SIK3: variants seen among roughly 807,000 people sequenced by gnomAD.
SIK3 encodes serine/threonine-protein kinase SIK3.
Under a neutral mutation model 144.2 loss-of-function variants are expected in SIK3, and 28 were observed. The observed-to-expected ratio is 0.19, with a 90% CI of 0.14 to 0.27. The LOEUF (loss-of-function observed/expected upper bound fraction) is 0.27. SIK3 is among the 10% of genes least tolerant of loss of function. The pLI is 1.00. For missense variants in SIK3, 1,319 were observed against 1,776.0 expected, an observed-to-expected ratio of 0.74 and a Z score of 4.62; for synonymous variants, 686 against 676.3, an observed-to-expected ratio of 1.01 and a Z score of -0.22.
chr11:116,898,986 C>T (rs77550889), intron 4 of SIK3, among the ~76,000 whole-genome samples: 9 of 147,590 alleles, frequency 6.1e-5, no homozygotes, highest in African/African-American at 1.5e-4. Flanking sequence ...TTAGATCCCA[C>T]TTGTCAATTT....
At chr11:116,950,893 TTACTCTTAGG>T (rs1948904156) in intron 3 of SIK3, among the ~76,000 whole-genome samples, 1 of 152,228 alleles carries the variant, frequency 6.6e-6, no homozygotes, top group South Asian at 2.1e-4. Context: ...CATTTTCTGC[TTACTCTTAGG>T]ACGATTTCCA....
At chr11:117,043,485 T>G (rs1259466033) in intron 1 of SIK3, among the ~76,000 whole-genome samples, 3 of 152,176 alleles carry the variant, frequency 2.0e-5, no homozygotes, top group Admixed American at 2.0e-4. Context: ...ATTCAACACA[T>G]GTAACTAAAC....
In SIK3 at chr11:117,035,657, C is replaced by A. The variant is rs1025243545; in HGVS notation, c.273+62486G>T. 11 of 639,174 alleles carry A rather than the reference C, an allele frequency of 1.7e-5. No individual in the cohort carries two copies. The African/African-American group carries it at 1.8e-4, about 11-fold the overall frequency. 39.6% of individuals were successfully genotyped at this position (639,174 alleles called of 1,614,324 possible). ...GTAACCTTGAGCTCCTAGGCTCAAG[C>A]GATCCTCCCACCTTAGCCTCCAGAG... On this transcript the variant is annotated intron_variant, in intron 1 of 24. Transcript: ENST00000445177.
At chr11:116,977,224 C>T (rs1385627861) in intron 1 of SIK3, among the ~76,000 whole-genome samples, 1 of 141,874 alleles carries the variant, frequency 7.0e-6, no homozygotes, top group African/African-American at 2.6e-5. Flanking sequence ...TCCTCCCTCC[C>T]TCCCTCCCTC....
intron 16 of SIK3, 129 bp from the exon 17 acceptor site, chr11:116,862,456 G>A (rs576457244): frequency 8.6e-6 from 10 of 1,165,338 alleles, no homozygotes; most frequent in East Asian, 2.4e-5. Context: ...TGTCCTTGAT[G>A]AGCAATTAAC....
At chr11:116,875,745 T>C (rs1017883208) in intron 9 of SIK3, 121 bp downstream of exon 9, 6 of 1,219,842 alleles carry the variant, frequency 4.9e-6, no homozygotes, top group African/African-American at 1.5e-5. Context: ...AGATGACAAA[T>C]GGGAGGAGAC....
Position 117,008,000 on chromosome 11 carries a change from C to T in SIK3, c.274-50936G>A, listed in dbSNP as rs377644502. ...CTGAGGCAGGAGAATCGCTTGAACC[C>T]GGGTAGCAGAAGCTGCAGTAAACTG... On this transcript the variant is annotated intron_variant, in intron 1 of 24. Transcript: ENST00000445177. Among the ~76,000 whole-genome samples the T allele has an allele frequency of 2.1e-5, 3 of 143,434 alleles. No homozygotes were observed. In the South Asian group the frequency reaches 6.8e-4, roughly 32 times the overall value. 94.1% of individuals were successfully genotyped at this position (143,434 alleles called of 152,430 possible).
At chr11:116,926,700 C>T (rs1270590915) in intron 4 of SIK3, among the ~76,000 whole-genome samples, 1 of 152,104 alleles carries the variant, frequency 6.6e-6, no homozygotes, top group Non-Finnish European at 1.5e-5. Context: ...TTCTTTCTCC[C>T]CAGCCTAGTT....
chr11:116,859,182 C>A lies in SIK3; in HGVS notation c.2765+83G>T, dbSNP rs528352908. 160 of 1,295,676 alleles carry A rather than the reference C, an allele frequency of 1.2e-4. 2 individuals are homozygous for A. The South Asian group carries it at 1.4e-3, about 11-fold the overall frequency. The allele number at this position is 1,295,676 out of a possible 1,614,324, so 80.3% of individuals were successfully genotyped here. ...GCCTAGTCAGACCCATTCTCCTTCCCTCCTTTTCTCTCACTCTGCTAAGGG... is the reference window on the plus strand; with the variant it reads ...GCCTAGTCAGACCCATTCTCCTTCCATCCTTTTCTCTCACTCTGCTAAGGG... On this transcript the variant is annotated intron_variant, in intron 20 of 24. Transcript: ENST00000445177.
chr11:116,867,864 G>T lies in SIK3; in HGVS notation c.1952+82C>A. On this transcript the variant is annotated intron_variant, in intron 15 of 24. Transcript: ENST00000445177. The surrounding 1 kb of genome is among the most constrained non-coding windows in gnomAD (Gnocchi z 4.1). ...GCTTCTATTTAAAGCCACGATGCTA[G>T]TCACCGTCGCTGTGAGACTAATCAG... 1.5e-6 allele frequency: 2 copies of T among 1,355,046 alleles called. No individual in the cohort carries two copies. Among genetic ancestry groups the T allele is most frequent in the African/African-American group, 1.5e-5 (1 of 67,570 alleles). The allele number at this position is 1,355,046 out of a possible 1,614,324, so 83.9% of individuals were successfully genotyped here. A position where few individuals can be genotyped will look rare whatever the true frequency, so the allele number is the denominator to read the frequency against.
rs73006520 is a variant in SIK3, at chr11:116,927,690, C to A, written c.455-310G>T. On this transcript the variant is annotated intron_variant, in intron 3 of 24. Transcript: ENST00000445177. The stretch of plus-strand genomic sequence containing the variant: ...GAACTCACTACCTTTCTTTTCATAT[C>A]CTCACTGCAGAAGACTGCACAGACA... Among the ~76,000 whole-genome samples the A allele has an allele frequency of 5.1e-3, 780 of 152,288 alleles. 4 individuals carry two copies. The highest frequency in any genetic ancestry group is 8.5e-3 in the Non-Finnish European group (575 of 68,020).
chr11:117,070,423 C>T (rs1192396317), intron 1 of SIK3, among the ~76,000 whole-genome samples: 2 of 151,470 alleles, frequency 1.3e-5, no homozygotes, highest in Non-Finnish European at 2.9e-5. Flanking sequence ...TTTACTCCAG[C>T]CTGGATGACT....
chr11:116,862,796 G>A (rs984610471), intron 16 of SIK3, among the ~76,000 whole-genome samples: 11 of 152,164 alleles, frequency 7.2e-5, no homozygotes, highest in African/African-American at 2.2e-4. Flanking sequence ...AGTGCCAGGC[G>A]CGCAAGGTGG....
chr11:116,957,085 A>G, intron 1 of SIK3, 21 bp from the exon 2 acceptor site: 2 of 1,405,216 alleles, frequency 1.4e-6, no homozygotes, highest in Non-Finnish European at 2.0e-6. Flanking sequence ...AGGGAAAAAA[A>G]TTACTCTGAT....
intron 6 of SIK3, among the ~76,000 whole-genome samples, chr11:116,884,918 T>C (rs1186060721): frequency 6.6e-6 from 1 of 152,182 alleles, no homozygotes; most frequent in African/African-American, 2.4e-5. Flanking sequence ...ACAATGGCAC[T>C]AAGAAAAAAC....
At chr11:116,971,600 T>C (rs1949765282) in intron 1 of SIK3, among the ~76,000 whole-genome samples, 1 of 152,218 alleles carries the variant, frequency 6.6e-6, no homozygotes, top group Admixed American at 6.5e-5. Context: ...AAGTAGACAA[T>C]AAAATAATTC....
chr11:117,050,306 A>AC (rs1360150009), intron 1 of SIK3, among the ~76,000 whole-genome samples: 3 of 152,020 alleles, frequency 2.0e-5, no homozygotes, highest in Non-Finnish European at 2.9e-5. Flanking sequence ...ACACACACAC[A>AC]AAAAGATATC....
At chr11:116,886,270 G>A (rs10892040) in intron 6 of SIK3, among the ~76,000 whole-genome samples, 10,786 of 152,262 alleles carry the variant, frequency 0.071, 445 homozygotes, top group Middle Eastern at 0.12. Flanking sequence ...GCGGTGCAGT[G>A]TGTCTCAAAA....
intron 1 of SIK3, among the ~76,000 whole-genome samples, chr11:117,038,820 C>T (rs532380983): frequency 6.2e-4 from 95 of 152,060 alleles, no homozygotes; most frequent in African/African-American, 1.9e-3. Flanking sequence ...GAGGCGGAGG[C>T]GGGCATATCA....
Sources: allele counts gnomAD v4.1 joint callset (sites outside exome capture counted in the v4.1 genomes callset), GRCh38; gene constraint gnomAD v4.1.1; non-coding constraint Gnocchi (gnomAD v3.1); transcripts MANE v1.5; gene names NCBI Gene and HGNC (gene_info 2026-07-23, HGNC 2026-07-21).